LIMK1: variants seen among roughly 807,000 people sequenced by gnomAD.
LIMK1 encodes LIM domain kinase 1.
Under a neutral mutation model 77.6 loss-of-function variants are expected in LIMK1, and 21 were observed. The observed-to-expected ratio is 0.27, with a 90% CI of 0.19 to 0.39. The LOEUF is 0.39. LIMK1 is among the 10% of genes least tolerant of loss of function. LIMK1 has a pLI of 1.00. For missense variants in LIMK1, 696 were observed against 901.6 expected (o/e 0.77, Z 2.92); for synonymous variants, 358 against 370.0 (o/e 0.97, Z 0.37).
chr7:74,119,576 G>A (rs1459447769), intron 13 of LIMK1, among the ~76,000 whole-genome samples: 1 of 151,720 alleles, frequency 6.6e-6, no homozygotes, highest in Non-Finnish European at 1.5e-5. Context: ...GTTTCCTGAG[G>A]TTGCTGTAAT....
chr7:74,099,301 A>G, intron 5 of LIMK1, 63 bp downstream of exon 5: 2 of 1,501,132 alleles, frequency 1.3e-6, no homozygotes, highest in Admixed American at 3.4e-5. Context: ...TGGGTGGCAG[A>G]GTCTGGCACT....
rs1554698249 is a variant in LIMK1 at position 74,109,182 on chromosome 7, GGAGC to G, written c.1284+149_1284+152del. 4 of 684,450 alleles carry G rather than the reference GGAGC, an allele frequency of 5.8e-6. No individual in the cohort carries two copies. In the East Asian group the frequency reaches 1.2e-4, roughly 20 times the overall value. 42.4% of individuals were successfully genotyped at this position (684,450 alleles called of 1,614,324 possible). ...GAACCCTGATTCCTAATCAAAAAGG[GGAGC>G]GACTGACTCCATCTAAAGCTAGGAA... On this transcript the variant is annotated intron_variant, in intron 10 of 15. Transcript: ENST00000336180.
intron 5 of LIMK1, among the ~76,000 whole-genome samples, chr7:74,105,547 A>G (rs1198869871): frequency 6.6e-6 from 1 of 151,620 alleles, no homozygotes; most frequent in African/African-American, 2.4e-5. Context: ...GAGACCAAAC[A>G]TACCTGGGAT....
At chr7:74,120,705 G>C (rs1799916799) in intron 14 of LIMK1, 67 bp downstream of exon 14, 4 of 1,581,142 alleles carry the variant, frequency 2.5e-6, no homozygotes, top group Admixed American at 1.7e-5. Context: ...CAGGCTGCAG[G>C]CTCAGCATCT....
rs781884611 is a variant in LIMK1 at position 74,107,087 on chromosome 7, G to T, written c.959G>T (p.Arg320Leu). 4 of 1,611,022 alleles carry T rather than the reference G, an allele frequency of 2.5e-6. No individual in the cohort carries two copies. The South Asian group carries it at 3.3e-5, about 13-fold the overall frequency. ...GCCTCCCAGCGCAAGGACCTGGGTCGCTCTGAGTCCCTCCGCGTAGTCTGC... is the reference window on the plus strand; with the variant it reads ...GCCTCCCAGCGCAAGGACCTGGGTCTCTCTGAGTCCCTCCGCGTAGTCTGC... ...SPASQRKDLGRSESLRVVCRP... is the reference protein window; with the variant it reads ...SPASQRKDLGLSESLRVVCRP... Residue 320 changes from arginine to leucine, a missense_variant, in exon 8 of 16, where the codon CGC (arginine) becomes CTC (leucine). Arg to Leu is a moderately radical substitution (Grantham distance 102). Coordinates refer to ENST00000336180, the MANE Select transcript of LIMK1 (RefSeq NM_002314.4).
Position 74,107,194 on chromosome 7 carries a change from GT to G in LIMK1, c.1065+2del. 6.2e-7 allele frequency: 1 copy of G among 1,605,956 alleles called. No homozygotes were observed. The highest frequency in any genetic ancestry group is 8.5e-7 in the Non-Finnish European group (1 of 1,176,720). ...GGGCTGCTTCGGCCAGGCTATCAAGGTACAGAGCATGCCAGGGTCTCAGGGG... is the reference window on the plus strand; with the variant it reads ...GGGCTGCTTCGGCCAGGCTATCAAGGACAGAGCATGCCAGGGTCTCAGGGG... On this transcript the variant is annotated splice_donor_variant, in intron 8 of 15. Coordinates refer to ENST00000336180, the MANE Select transcript of LIMK1 (RefSeq NM_002314.4). LOFTEE classifies it high-confidence loss of function.
chr7:74,111,747 C>A, intron 11 of LIMK1, 40 bp downstream of exon 11: 1 of 1,591,018 alleles, frequency 6.3e-7, no homozygotes, highest in Non-Finnish European at 8.6e-7. Context: ...CATAATCCCA[C>A]CAGGAATTTG....
intron 5 of LIMK1, among the ~76,000 whole-genome samples, chr7:74,101,401 G>A (rs1400924531): frequency 6.6e-6 from 1 of 152,180 alleles, no homozygotes; most frequent in East Asian, 1.9e-4. Flanking sequence ...CAGCCACTTC[G>A]GAGGGCTGAG....
At chr7:74,095,968 C>CTTTTTTTTTTTTTTTTTTTTTTTTTTTTT (rs869065672) in intron 2 of LIMK1, among the ~76,000 whole-genome samples, 2 of 127,230 alleles carry the variant, frequency 1.6e-5, no homozygotes, top group Admixed American at 7.7e-5. Flanking sequence ...TTTTCTTTTT[C>CTTTTTTTTTTTTTTTTTTTTTTTTTTTTT]TTTTTTTTTT....
At chr7:74,095,113 C>G (rs978531281) in intron 2 of LIMK1, among the ~76,000 whole-genome samples, 1 of 152,140 alleles carries the variant, frequency 6.6e-6, no homozygotes, top group African/African-American at 2.4e-5. Context: ...TGAGTGATAC[C>G]CATGCAGGCC....
At chr7:74,111,490 T>C in intron 10 of LIMK1, 158 bp from the exon 11 acceptor site, 1 of 654,836 alleles carries the variant, frequency 1.5e-6, no homozygotes, top group Non-Finnish European at 2.8e-6. Flanking sequence ...CTCATACTCC[T>C]TAGAAGCAGA....
chr7:74,115,639 G>A, intron 12 of LIMK1, 163 bp from the exon 13 acceptor site: 1 of 661,926 alleles, frequency 1.5e-6, no homozygotes, highest in Non-Finnish European at 2.5e-6. Flanking sequence ...GCAAAGAGCG[G>A]ATGGGTTTGG....
At chr7:74,105,775 C>T (rs1369321620) in intron 5 of LIMK1, 100 bp from the exon 6 acceptor site, 9 of 749,318 alleles carry the variant, frequency 1.2e-5, no homozygotes, top group African/African-American at 3.5e-5. Context: ...AAGTAGAATC[C>T]TCCACCTGCT....
rs782632231 is a variant in LIMK1, at chr7:74,099,077, G to C, written c.447G>C (p.Gln149His). 4 of 1,613,322 alleles carry C rather than the reference G, an allele frequency of 2.5e-6. No homozygotes were observed. In the South Asian group the frequency reaches 3.3e-5, roughly 13 times the overall value. ...YQTVVTPVIE[Q>H]ILPDSPGSHL... The stretch of plus-strand genomic sequence containing the variant: ...CTGTGGTGACCCCCGTCATCGAGCA[G>C]ATCCTGCCTGACTCCCCTGGCTCCC... Residue 149 changes from glutamine to histidine, a missense_variant, in exon 5 of 16, where the codon CAG (glutamine) becomes CAC (histidine). Physicochemically the swap from Gln to His is conservative, Grantham distance 24. Around this residue, in one of 3 missense-constraint regions of LIMK1, gnomAD observed 252 missense variants for 279.4 expected, o/e 0.90. Coordinates refer to ENST00000336180, the MANE Select transcript of LIMK1 (RefSeq NM_002314.4).
At chr7:74,117,392 C>A (rs1173866724) in intron 13 of LIMK1, among the ~76,000 whole-genome samples, 2 of 152,036 alleles carry the variant, frequency 1.3e-5, no homozygotes, top group Non-Finnish European at 2.9e-5. Context: ...CATCTCAAGA[C>A]CCTCAACTTA....
intron 5 of LIMK1, among the ~76,000 whole-genome samples, chr7:74,100,973 G>A (rs77377916): frequency 2.0e-5 from 3 of 151,892 alleles, no homozygotes; most frequent in African/African-American, 7.2e-5. Flanking sequence ...TCCTGACCTC[G>A]TGATCCGCCC....
In LIMK1 at chr7:74,121,588, G is replaced by A. The variant is rs1360052683; in HGVS notation, c.*287G>A. ...TCTCCTTGCATGAGCTGGAGGGCCT[G>A]TGTGAGTTACGCCCCTTTCCACACG... On this transcript the variant is annotated 3_prime_UTR_variant, in exon 16 of 16. Coordinates refer to ENST00000336180, the MANE Select transcript of LIMK1 (RefSeq NM_002314.4). The A allele has an allele frequency of 1.6e-5, 7 of 433,026 alleles. No individual in the cohort carries two copies. The highest frequency in any genetic ancestry group is 2.9e-5 in the Non-Finnish European group (7 of 243,722). 26.8% of individuals were successfully genotyped at this position (433,026 alleles called of 1,614,324 possible).
chr7:74,093,345 GC>G, intron 2 of LIMK1: 1 of 1,535,080 alleles, frequency 6.5e-7, no homozygotes. Context: ...TCCAGGCAGG[GC>G]CCCTGGTGTA....
chr7:74,097,528 T>G (rs1799360767), intron 4 of LIMK1, among the ~76,000 whole-genome samples: 1 of 152,050 alleles, frequency 6.6e-6, no homozygotes, highest in South Asian at 2.1e-4. Context: ...ATACAAAAAT[T>G]AACCAGGTGT....
Sources: gnomAD v4.1 joint callset for allele counts (sites outside exome capture counted in the v4.1 genomes callset) on GRCh38, gnomAD v4.1.1 for gene constraint, gnomAD v4.1.1 regional missense constraint, MANE v1.5 for transcripts, NCBI Gene and HGNC (gene_info 2026-07-23, HGNC 2026-07-21) for gene names.